CDKAL1: variants seen among roughly 807,000 people sequenced by gnomAD.
CDKAL1 encodes the protein threonylcarbamoyladenosine tRNA methylthiotransferase.
In CDKAL1, 32 loss-of-function variants were observed where a neutral mutation model predicts 68.2. The observed-to-expected ratio is 0.47, with a 90% confidence interval of 0.35 to 0.63. CDKAL1 has a LOEUF of 0.63. Among genes scored for constraint, CDKAL1 ranks in the 30% least tolerant of loss-of-function variants. The pLI is 0.00. For synonymous variants in CDKAL1, 234 were observed against 244.3 expected (o/e 0.96, Z 0.39); for missense variants, 606 against 696.7 (o/e 0.87, Z 1.47).
intron 9 of CDKAL1, among the ~76,000 whole-genome samples, chr6:20,854,332 T>A (rs907327262): frequency 6.6e-6 from 1 of 152,246 alleles, no homozygotes; most frequent in Admixed American, 6.5e-5. Context: ...GCTTCTGTTA[T>A]GCCGAAGTCT....
At chr6:20,935,731 A>G (rs899988323) in intron 9 of CDKAL1, among the ~76,000 whole-genome samples, 8 of 152,144 alleles carry the variant, frequency 5.3e-5, no homozygotes, top group Non-Finnish European at 1.2e-4. Flanking sequence ...TGCCCGGCCA[A>G]AATTAGACTT....
intron 15 of CDKAL1, among the ~76,000 whole-genome samples, chr6:21,208,750 A>G (rs1204098508): frequency 6.6e-6 from 1 of 152,130 alleles, no homozygotes; most frequent in Admixed American, 6.5e-5. Context: ...TCTTTTACAG[A>G]CTGGTTAGGA....
At chr6:20,604,614 AT>A (rs1225284816) in intron 4 of CDKAL1, among the ~76,000 whole-genome samples, 8 of 152,216 alleles carry the variant, frequency 5.3e-5, no homozygotes, top group Admixed American at 2.6e-4. Context: ...AGGTGCGGCT[AT>A]GGGCTCGTGC....
intron 9 of CDKAL1, among the ~76,000 whole-genome samples, chr6:20,907,305 C>G (rs1038434505): frequency 6.6e-6 from 1 of 152,006 alleles, no homozygotes; most frequent in Non-Finnish European, 1.5e-5. Context: ...GCTTGTAGTC[C>G]CAGCTACTTG....
rs139605402 is a variant in CDKAL1, at chr6:20,891,288, A to G, written c.742+45110A>G. Among the ~76,000 whole-genome samples the G allele has an allele frequency of 3.1e-3, 473 of 152,208 alleles. 2 individuals are homozygous for G. Among genetic ancestry groups the G allele is most frequent in the African/African-American group, 8.7e-3 (362 of 41,518 alleles). Reference sequence around the variant, plus strand: ...TATCTCCTCACCACTCTCTAGCACTAGTGGTCTTGAACTGAGTAAGAGTTG... The same window carrying G: ...TATCTCCTCACCACTCTCTAGCACTGGTGGTCTTGAACTGAGTAAGAGTTG... On this transcript the variant is annotated intron_variant, in intron 9 of 15. Coordinates refer to ENST00000274695, the MANE Select transcript of CDKAL1 (RefSeq NM_017774.3).
intron 4 of CDKAL1, among the ~76,000 whole-genome samples, chr6:20,618,413 T>C (rs1468291004): frequency 6.6e-6 from 1 of 152,222 alleles, no homozygotes; most frequent in African/African-American, 2.4e-5. Context: ...AGCTCTTTAG[T>C]TTAATTAGAT....
intron 10 of CDKAL1, among the ~76,000 whole-genome samples, chr6:20,962,636 A>G (rs1374746729): frequency 6.6e-6 from 1 of 152,186 alleles, no homozygotes; most frequent in Non-Finnish European, 1.5e-5. Context: ...TCCAAACTGA[A>G]CTCAGCAGTT....
At chr6:21,030,570 T>G (rs186982106) in intron 11 of CDKAL1, among the ~76,000 whole-genome samples, 202 of 152,234 alleles carry the variant, frequency 1.3e-3, no homozygotes, top group African/African-American at 4.6e-3. Flanking sequence ...TGTTTTAGGG[T>G]TTGCCTTTTA....
intron 5 of CDKAL1, among the ~76,000 whole-genome samples, chr6:20,701,639 G>A (rs1445571626): frequency 6.6e-6 from 1 of 151,920 alleles, no homozygotes; most frequent in African/African-American, 2.4e-5. Flanking sequence ...TCTGTCTAAG[G>A]TTTTTCCCTT....
intron 8 of CDKAL1, among the ~76,000 whole-genome samples, chr6:20,835,485 TC>T (rs869209426): frequency 5.8e-4 from 4 of 6,936 alleles, no homozygotes; most frequent in Non-Finnish European, 1.3e-3. Context: ...GCTTTGTTTG[TC>T]TTGTCTTGTC....
chr6:21,193,220 T>C lies in CDKAL1; in HGVS notation c.1300-4801T>C, dbSNP rs911264100. ...TAATTGTTTCCTGGCAGGTACTGTA[T>C]TGAAAATCAAGTTGTTGGTTTAAGT... is the stretch of plus-strand genomic sequence containing the variant. On this transcript the variant is annotated intron_variant, in intron 13 of 15. Transcript: ENST00000274695. Among the ~76,000 whole-genome samples, 3 of 152,312 alleles carry C rather than the reference T, an allele frequency of 2.0e-5. No homozygotes were observed. The East Asian group carries it at 5.8e-4, about 29-fold the overall frequency.
At chr6:20,976,240 T>C (rs1765840810) in intron 10 of CDKAL1, among the ~76,000 whole-genome samples, 1 of 152,240 alleles carries the variant, frequency 6.6e-6, no homozygotes, top group African/African-American at 2.4e-5. Flanking sequence ...TGTCTGAATG[T>C]ATCACAACTT....
chr6:20,802,647 G>A (rs1213261893), intron 8 of CDKAL1, among the ~76,000 whole-genome samples: 1 of 152,074 alleles, frequency 6.6e-6, no homozygotes, highest in African/African-American at 2.4e-5. Flanking sequence ...TTGCAAAGGG[G>A]TACCACAAAA....
chr6:20,901,249 C>T (rs1561869601), intron 9 of CDKAL1, among the ~76,000 whole-genome samples: 2 of 151,918 alleles, frequency 1.3e-5, no homozygotes, highest in Non-Finnish European at 2.9e-5. Context: ...CTGTTTTTTT[C>T]CTCTTGGATT....
At chr6:21,114,106 G>C (rs1344011045) in intron 13 of CDKAL1, among the ~76,000 whole-genome samples, 1 of 151,930 alleles carries the variant, frequency 6.6e-6, no homozygotes, top group Non-Finnish European at 1.5e-5. Flanking sequence ...AAATTAGCCG[G>C]GCGTGGTGGC....
intron 9 of CDKAL1, among the ~76,000 whole-genome samples, chr6:20,950,188 G>C (rs1407474833): frequency 1.3e-5 from 2 of 152,116 alleles, no homozygotes; most frequent in Non-Finnish European, 2.9e-5. Context: ...CTTCCCCTGG[G>C]AACTACAGGT....
At position 20,676,504 on chromosome 6, in the gene CDKAL1, A is replaced by C. The variant is rs369000957; in HGVS notation, c.371+27127A>C. ...AACATGGTGAAACCCCATCTCTACT[A>C]AAAATACAAAAAGTTAGCCAGGTGT... On this transcript the variant is annotated intron_variant, in intron 5 of 15. Coordinates refer to ENST00000274695, the MANE Select transcript of CDKAL1 (RefSeq NM_017774.3). 5.3e-5 allele frequency among the ~76,000 whole-genome samples: 8 copies of C among 151,836 alleles called. No individual in the cohort carries two copies. In the East Asian group the frequency reaches 5.8e-4, roughly 11 times the overall value.
intron 13 of CDKAL1, among the ~76,000 whole-genome samples, chr6:21,180,010 G>A (rs879354602): frequency 7.2e-5 from 11 of 152,098 alleles, no homozygotes; most frequent in Non-Finnish European, 1.3e-4. Flanking sequence ...TACAAAGCGA[G>A]ACCCTGTCTC....
At chr6:20,584,850 G>GT (rs1440009240) in intron 4 of CDKAL1, among the ~76,000 whole-genome samples, 4 of 152,114 alleles carry the variant, frequency 2.6e-5, no homozygotes, top group African/African-American at 9.7e-5. Flanking sequence ...TTTATTTCAT[G>GT]TAGACTCTGA....
Sources: gnomAD v4.1 joint callset for allele counts (sites outside exome capture counted in the v4.1 genomes callset) on GRCh38, gnomAD v4.1.1 for gene constraint, MANE v1.5 for transcripts, NCBI Gene and HGNC (gene_info 2026-07-23, HGNC 2026-07-21) for gene names.